ANKMY2: variants seen among roughly 807,000 people sequenced by gnomAD.
ANKMY2 encodes ankyrin repeat and MYND domain-containing protein 2.
A neutral mutation model predicts 50.4 loss-of-function variants in ANKMY2; 36 were observed. That is an observed-to-expected ratio of 0.71 (90% CI 0.55 to 0.94). The LOEUF (loss-of-function observed/expected upper bound fraction) is 0.94, where lower values mean the gene tolerates loss of function less well. ANKMY2 is among the 40% of genes least tolerant of loss of function. The pLI, the probability that ANKMY2 is intolerant of heterozygous loss-of-function variation, is 0.00. For synonymous variants in ANKMY2, 187 were observed against 178.8 expected, an observed-to-expected ratio of 1.05 and a Z score of -0.36; for missense variants, 565 against 524.0, an observed-to-expected ratio of 1.08 and a Z score of -0.76.
In ANKMY2 at chr7:16,627,067, T is replaced by C; in HGVS notation, c.244A>G (p.Thr82Ala). 1 of 1,609,816 alleles carries C rather than the reference T, an allele frequency of 6.2e-7. No individual in the cohort carries two copies. The highest frequency in any genetic ancestry group is 1.7e-5 in the Admixed American group (1 of 59,116). The change falls in exon 3 of 10, where the codon ACA (threonine) becomes GCA (alanine). Residue 82 changes from threonine to alanine, a missense_variant. By Grantham distance (58) the Thr-to-Ala change is moderately conservative (BLOSUM62 0). Transcript: ENST00000306999. ...VNCHQHEHGY[T>A]ALMFAALSGN... is the part of the protein sequence containing the mutation. Reference sequence around the variant, plus strand: ...GAAAGTGCAGCAAACATGAGGGCTGTGTATCCATGTTCATGCTGATGACAA... The same window carrying C: ...GAAAGTGCAGCAAACATGAGGGCTGCGTATCCATGTTCATGCTGATGACAA...
rs1160209606 is a variant in ANKMY2, at chr7:16,636,432, A to C, written c.91T>G (p.Leu31Val). Reference sequence around the variant, plus strand: ...ACACGAACATTCTTGCTGGATAATAATGTTCCAGCTTCTTGGACAGTACCT... The same window carrying C: ...ACACGAACATTCTTGCTGGATAATACTGTTCCAGCTTCTTGGACAGTACCT... ...GKGTVQEAGTLLSSKNVRVNC... is the reference protein window; with the variant it reads ...GKGTVQEAGTVLSSKNVRVNC... Residue 31 changes from leucine to valine, a missense_variant, in exon 2 of 10, where the codon TTA (leucine) becomes GTA (valine). By Grantham distance (32) the Leu-to-Val change is conservative. Transcript: ENST00000306999. 2.5e-6 allele frequency: 4 copies of C among 1,601,224 alleles called. No homozygotes were observed. Among genetic ancestry groups the C allele is most frequent in the Non-Finnish European group, 3.4e-6 (4 of 1,173,704 alleles).
chr7:16,641,769 G>C (rs974418214), intron 1 of ANKMY2, among the ~76,000 whole-genome samples: 1 of 152,072 alleles, frequency 6.6e-6, no homozygotes, highest in African/African-American at 2.4e-5. Flanking sequence ...TCATAATGTT[G>C]AATGAAAGAA....
In ANKMY2 at chr7:16,602,444, A is replaced by T; in HGVS notation, c.1077T>A (p.Asn359Lys). Residue 359 changes from asparagine (N) to lysine (K), a missense_variant, in exon 9 of 10, where the codon AAT becomes AAA. Transcript: ENST00000306999. ...GTTGCTTTTCGTAAATGTCCTTCAG[A>T]TTCTTACAGATTTTCTTATGAGTAA... is the stretch of plus-strand genomic sequence containing the variant. ...HWFTHKKICKNLKDIYEKQQL... is the reference protein window; with the variant it reads ...HWFTHKKICKKLKDIYEKQQL... The T allele has an allele frequency of 1.1e-5, 18 of 1,613,938 alleles. No homozygotes were observed. Among genetic ancestry groups the T allele is most frequent in the Non-Finnish European group, 1.5e-5 (18 of 1,179,996 alleles).
intron 7 of ANKMY2, among the ~76,000 whole-genome samples, chr7:16,608,610 T>G (rs748614155): frequency 9.9e-5 from 15 of 152,142 alleles, no homozygotes; most frequent in Non-Finnish European, 2.1e-4. Flanking sequence ...GGTCTTAGGA[T>G]CAATTTCTTG....
chr7:16,621,863 G>A (rs1446873948), intron 4 of ANKMY2, among the ~76,000 whole-genome samples: 3 of 152,046 alleles, frequency 2.0e-5, no homozygotes, highest in Non-Finnish European at 4.4e-5. Flanking sequence ...CAGCTACATG[G>A]GAGGCTGAGG....
At chr7:16,608,630 CA>C (rs1179712595) in intron 7 of ANKMY2, among the ~76,000 whole-genome samples, 2 of 152,062 alleles carry the variant, frequency 1.3e-5, no homozygotes, top group African/African-American at 2.4e-5. Context: ...GCCTGATAGA[CA>C]AAAGCTGATC....
chr7:16,626,174 T>C (rs1781503747), intron 3 of ANKMY2, among the ~76,000 whole-genome samples: 1 of 151,898 alleles, frequency 6.6e-6, no homozygotes, highest in South Asian at 2.1e-4. Flanking sequence ...AGAGACGGGG[T>C]CTCATGGTGT....
chr7:16,606,091 A>G (rs1041101187), intron 7 of ANKMY2, among the ~76,000 whole-genome samples: 2 of 151,912 alleles, frequency 1.3e-5, no homozygotes, highest in African/African-American at 4.8e-5. Context: ...TGCTGGGACT[A>G]CAGGCATGAG....
intron 6 of ANKMY2, 129 bp from the exon 7 acceptor site, chr7:16,609,894 G>A (rs201987633): frequency 2.0e-5 from 23 of 1,156,102 alleles, no homozygotes; most frequent in East Asian, 7.9e-5. Context: ...TCATGATGAC[G>A]GGCTCAGTTC....
chr7:16,631,375 A>G (rs958856509), intron 2 of ANKMY2, among the ~76,000 whole-genome samples: 1 of 152,170 alleles, frequency 6.6e-6, no homozygotes, highest in Non-Finnish European at 1.5e-5. Context: ...TAGTTTTGTG[A>G]AACTTCTTAC....
At chr7:16,601,969 A>C (rs1357316783) in intron 9 of ANKMY2, among the ~76,000 whole-genome samples, 3 of 152,226 alleles carry the variant, frequency 2.0e-5, no homozygotes, top group African/African-American at 7.2e-5. Context: ...TGTAGTTCTG[A>C]AATTTAATTA....
chr7:16,622,069 A>AG (rs1562773603), intron 4 of ANKMY2, among the ~76,000 whole-genome samples: 34 of 151,618 alleles, frequency 2.2e-4, no homozygotes, highest in Non-Finnish European at 3.4e-4. Flanking sequence ...AAGAAGAGGA[A>AG]GAGGAGGAGG....
intron 4 of ANKMY2, among the ~76,000 whole-genome samples, chr7:16,617,679 A>G (rs943228778): frequency 1.3e-5 from 2 of 152,200 alleles, no homozygotes; most frequent in African/African-American, 4.8e-5. Context: ...AACACAGAGG[A>G]TGAAGGGCAG....
intron 7 of ANKMY2, among the ~76,000 whole-genome samples, chr7:16,606,194 G>C (rs933442422): frequency 1.3e-5 from 2 of 152,032 alleles, no homozygotes; most frequent in Non-Finnish European, 2.9e-5. Flanking sequence ...ACTGTGCGAG[G>C]CCAAGGCAGG....
At chr7:16,609,238 G>A (rs1426082095) in intron 7 of ANKMY2, among the ~76,000 whole-genome samples, 1 of 152,070 alleles carries the variant, frequency 6.6e-6, no homozygotes, top group Non-Finnish European at 1.5e-5. Flanking sequence ...CATCCCCACT[G>A]CCTGGACACT....
chr7:16,642,918 GC>G (rs1364269568), intron 1 of ANKMY2, among the ~76,000 whole-genome samples: 1 of 152,082 alleles, frequency 6.6e-6, no homozygotes, highest in Non-Finnish European at 1.5e-5. Context: ...TTTAGGTACA[GC>G]CTGTTTATTA....
At chr7:16,642,412 T>C (rs1781758322) in intron 1 of ANKMY2, among the ~76,000 whole-genome samples, 1 of 152,174 alleles carries the variant, frequency 6.6e-6, no homozygotes, top group African/African-American at 2.4e-5. Context: ...AATGGGTATG[T>C]TGGAAACAGA....
chr7:16,603,954 C>T (rs1781113982), intron 8 of ANKMY2, among the ~76,000 whole-genome samples: 1 of 152,138 alleles, frequency 6.6e-6, no homozygotes, highest in Non-Finnish European at 1.5e-5. Flanking sequence ...TTTTTATAAG[C>T]AGTAATAATT....
In ANKMY2 at chr7:16,625,044, A is replaced by T; in HGVS notation, c.309T>A (p.Gly103=). The T allele has an allele frequency of 6.2e-7, 1 of 1,614,148 alleles. No individual in the cohort carries two copies. The highest frequency in any genetic ancestry group is 8.5e-7 in the Non-Finnish European group (1 of 1,180,004). The change falls in exon 4 of 10, where the codon GGT becomes GGA. Residue 103 remains glycine (G), a synonymous_variant. Transcript: ENST00000306999. The part of the protein sequence containing the change: ...KDITWVMLEA[G]AETDVVNSVG... Reference sequence around the variant, plus strand: ...CAGAGTTGACAACATCTGTCTCAGCACCAGCTTCTAACATTACCCATGTGA... The same window carrying T: ...CAGAGTTGACAACATCTGTCTCAGCTCCAGCTTCTAACATTACCCATGTGA...
Sources: allele counts gnomAD v4.1 joint callset (sites outside exome capture counted in the v4.1 genomes callset), GRCh38; gene constraint gnomAD v4.1.1; transcripts MANE v1.5; gene names NCBI Gene and HGNC (gene_info 2026-07-23, HGNC 2026-07-21).